Variants in CASS4 observed in about 807,000 individuals in gnomAD.
CASS4 encodes cas scaffolding protein family member 4.
CASS4 carries 22 observed loss-of-function variants against 54.2 expected under a neutral mutation model. That is an observed-to-expected ratio of 0.41 (90% CI 0.29 to 0.58). The LOEUF (loss-of-function observed/expected upper bound fraction) is 0.58, where lower values mean the gene tolerates loss of function less well. Among genes scored for constraint, CASS4 ranks in the 20% least tolerant of loss-of-function variants. The probability of loss-of-function intolerance (pLI) is 0.36; values close to 1 mark genes in which losing one functional copy is unlikely to be tolerated. For synonymous variants in CASS4, 409 were observed against 391.5 expected, an observed-to-expected ratio of 1.04 and a Z score of -0.53; for missense variants, 854 against 986.7, an observed-to-expected ratio of 0.87 and a Z score of 1.80.
At chr20:56,455,885 C>T (rs546666404) in intron 5 of CASS4, among the ~76,000 whole-genome samples, 264 of 152,112 alleles carry the variant, frequency 1.7e-3, no homozygotes, top group African/African-American at 6.2e-3. Context: ...GAGCTGAGAT[C>T]GCACCACTGC....
chr20:56,442,834 TTTCTCAAACATG>T (rs1490690684), intron 2 of CASS4, among the ~76,000 whole-genome samples: 3 of 151,818 alleles, frequency 2.0e-5, no homozygotes, highest in African/African-American at 7.3e-5. Flanking sequence ...CGAAACTGTG[TTTCTCAAACATG>T]TTCCTTAACT....
intron 3 of CASS4, among the ~76,000 whole-genome samples, chr20:56,448,512 A>C (rs1980836423): frequency 6.6e-6 from 1 of 152,058 alleles, no homozygotes; most frequent in African/African-American, 2.4e-5. Flanking sequence ...AACTCAAGTC[A>C]TTGAATGGTC....
rs1422123474 is a variant in CASS4 at position 56,437,054 on chromosome 20, T to C, written c.37-110T>C. 1 of 982,794 alleles carries C rather than the reference T, an allele frequency of 1.0e-6. No individual in the cohort carries two copies. Among genetic ancestry groups the C allele is most frequent in the African/African-American group, 1.6e-5 (1 of 60,760 alleles). The allele number at this position is 982,794 out of a possible 1,614,324, so 60.9% of individuals were successfully genotyped here. On this transcript the variant is annotated intron_variant, in intron 1 of 5. Coordinates refer to ENST00000679887, the MANE Select transcript of CASS4 (RefSeq NM_020356.4). This position sits in a 1 kb window ranked among gnomAD's most constrained non-coding sequence, Gnocchi z 4.7. ...AGCCTCTGGGGTGGAAGAAATGAAA[T>C]GAAAGGGCATGATGAATTTGTATGA...
In CASS4 at chr20:56,434,696, G is replaced by A. The variant is rs543637046; in HGVS notation, c.37-2468G>A. Among the ~76,000 whole-genome samples the A allele has an allele frequency of 7.9e-5, 12 of 151,170 alleles. No individual in the cohort carries two copies. The South Asian group carries it at 1.5e-3, about 18-fold the overall frequency. On this transcript the variant is annotated intron_variant, in intron 1 of 5. Coordinates refer to ENST00000679887, the MANE Select transcript of CASS4 (RefSeq NM_020356.4). ...TCCTGACCTCATCATCTGCCCCCTC[G>A]GCCTACCAAAGTGCTGGGATTACAG... is the stretch of plus-strand genomic sequence containing the variant.
chr20:56,442,237 G>A (rs1337627816), intron 2 of CASS4, among the ~76,000 whole-genome samples: 1 of 151,740 alleles, frequency 6.6e-6, no homozygotes, highest in Non-Finnish European at 1.5e-5. Flanking sequence ...CCTAAGAGAG[G>A]CGTCTATGTG....
rs1980625151 is a variant in CASS4, at chr20:56,444,784, C to T, written c.460-1116C>T. On this transcript the variant is annotated intron_variant, in intron 2 of 5. Coordinates refer to ENST00000679887, the MANE Select transcript of CASS4 (RefSeq NM_020356.4). Reference sequence around the variant, plus strand: ...GCTGAGACCATGTTTCCCAAAGTGCCTTGAGCAATAACTGGCCAGGTGCTC... The same window carrying T: ...GCTGAGACCATGTTTCCCAAAGTGCTTTGAGCAATAACTGGCCAGGTGCTC... 2.6e-5 allele frequency among the ~76,000 whole-genome samples: 4 copies of T among 152,156 alleles called. No individual in the cohort carries two copies. In the South Asian group the frequency reaches 8.3e-4, roughly 32 times the overall value.
chr20:56,433,468 T>C (rs1431246128), intron 1 of CASS4, among the ~76,000 whole-genome samples: 1 of 151,968 alleles, frequency 6.6e-6, no homozygotes, highest in Admixed American at 6.6e-5. Context: ...TGGGCACAGT[T>C]TGGGCTTTGT....
At position 56,428,544 on chromosome 20, in the gene CASS4, T is replaced by A. The variant is rs1322576104; in HGVS notation, c.37-8620T>A. ...GGGCCCAAGGAGTGATATTTTAAGA[T>A]CTGCCTGAGCATGCCACAGCCTCCA... is the stretch of plus-strand genomic sequence containing the variant. On this transcript the variant is annotated intron_variant, in intron 1 of 5. Coordinates refer to ENST00000679887, the MANE Select transcript of CASS4 (RefSeq NM_020356.4). Among the ~76,000 whole-genome samples the A allele has an allele frequency of 2.0e-5, 3 of 152,178 alleles. No homozygotes were observed. In the East Asian group the frequency reaches 5.8e-4, roughly 29 times the overall value.
In CASS4 at chr20:56,455,712, C is replaced by T. The variant is rs1197163421; in HGVS notation, c.1953+2583C>T. 2.6e-5 allele frequency among the ~76,000 whole-genome samples: 4 copies of T among 152,188 alleles called. No individual in the cohort carries two copies. In the East Asian group the frequency reaches 7.7e-4, roughly 29 times the overall value. On this transcript the variant is annotated intron_variant, in intron 5 of 5. Transcript: ENST00000679887. Reference sequence around the variant, plus strand: ...TGGGAGGCCGAGGCGGGTGGATCGCCTGAGGTCAGGAGTTTGAGACCAGCC... The same window carrying T: ...TGGGAGGCCGAGGCGGGTGGATCGCTTGAGGTCAGGAGTTTGAGACCAGCC...
At chr20:56,445,472 G>A (rs1211072497) in intron 2 of CASS4, among the ~76,000 whole-genome samples, 8 of 152,184 alleles carry the variant, frequency 5.3e-5, no homozygotes, top group Admixed American at 5.2e-4. Flanking sequence ...TCCAGCCTCA[G>A]CCTAGCTAGA....
Position 56,458,397 on chromosome 20 carries a change from C to T in CASS4, c.2011C>T (p.Arg671Cys), listed in dbSNP as rs1600781620. Reference protein sequence around the residue: ...SSQQTPERKPRLSEHCRLYFG... With the variant: ...SSQQTPERKPCLSEHCRLYFG... ...TCAACAGACTCCTGAGAGGAAACCCCGCTTATCTGAACACTGCCGGCTCTA... is the reference window on the plus strand; with the variant it reads ...TCAACAGACTCCTGAGAGGAAACCCTGCTTATCTGAACACTGCCGGCTCTA... Residue 671 changes from arginine to cysteine, a missense_variant, in exon 6 of 6, where the codon CGC (arginine) becomes TGC (cysteine). By Grantham distance (180) the Arg-to-Cys change is radical (BLOSUM62 -3). Transcript: ENST00000679887. 6.2e-7 allele frequency: 1 copy of T among 1,614,094 alleles called. No individual in the cohort carries two copies. Among genetic ancestry groups the T allele is most frequent in the Non-Finnish European group, 8.5e-7 (1 of 1,180,028 alleles).
In CASS4 at chr20:56,412,343, C is replaced by G. The variant is rs1001519535; in HGVS notation, c.-116C>G. 9.5e-5 allele frequency: 105 copies of G among 1,105,634 alleles called. No homozygotes were observed. Among genetic ancestry groups the G allele is most frequent in the Non-Finnish European group, 1.3e-4 (98 of 744,512 alleles). The allele number at this position is 1,105,634 out of a possible 1,614,324, so 68.5% of individuals were successfully genotyped here. A position where few individuals can be genotyped will look rare whatever the true frequency, so the allele number is the denominator to read the frequency against. On this transcript the variant is annotated 5_prime_UTR_variant, in exon 1 of 6. Coordinates refer to ENST00000679887, the MANE Select transcript of CASS4 (RefSeq NM_020356.4). The surrounding 1 kb of genome is among the most constrained non-coding windows in gnomAD (Gnocchi z 4.2). ...GTTTCCCATGTGTTGTCAGATAGCT[C>G]CATAGAATTCAGTTTCTGAGAACCA...
At chr20:56,417,807 G>A (rs764672144) in intron 1 of CASS4, among the ~76,000 whole-genome samples, 15 of 152,208 alleles carry the variant, frequency 9.9e-5, no homozygotes, top group South Asian at 2.1e-4. Flanking sequence ...CCTACCTGGC[G>A]TCAGCCTAAG....
At chr20:56,455,667 C>G (rs866869289) in intron 5 of CASS4, among the ~76,000 whole-genome samples, 1 of 152,172 alleles carries the variant, frequency 6.6e-6, no homozygotes, top group African/African-American at 2.4e-5. Flanking sequence ...TGGTGGCTCA[C>G]GCCTGTAATC....
chr20:56,433,842 C>T (rs760776886), intron 1 of CASS4, among the ~76,000 whole-genome samples: 36 of 152,156 alleles, frequency 2.4e-4, no homozygotes, highest in Non-Finnish European at 3.2e-4. Context: ...CCTCACAATA[C>T]ACATGCCCCT....
At chr20:56,415,617 G>C (rs1173097488) in intron 1 of CASS4, among the ~76,000 whole-genome samples, 2 of 152,130 alleles carry the variant, frequency 1.3e-5, no homozygotes, top group Non-Finnish European at 2.9e-5. Flanking sequence ...TTTATAAATG[G>C]TAGCACAATG....
intron 1 of CASS4, among the ~76,000 whole-genome samples, chr20:56,426,834 C>T (rs150389155): frequency 0.022 from 3,281 of 152,278 alleles, 126 homozygotes; most frequent in African/African-American, 0.075. Context: ...TCACCTCAGC[C>T]TCCCAAAGTG....
At chr20:56,449,036 T>A (rs1980863614) in intron 3 of CASS4, among the ~76,000 whole-genome samples, 1 of 152,216 alleles carries the variant, frequency 6.6e-6, no homozygotes, top group Non-Finnish European at 1.5e-5. Context: ...TCAACCATTG[T>A]GGAAGACAGT....
chr20:56,451,777 G>T lies in CASS4; in HGVS notation c.643-42G>T, dbSNP rs201383535. Reference sequence around the variant, plus strand: ...TAAACAACGCACTCGCGCCCTCTTTGGAAAGCTACTAACCCGGCAACTATG... The same window carrying T: ...TAAACAACGCACTCGCGCCCTCTTTTGAAAGCTACTAACCCGGCAACTATG... On this transcript the variant is annotated intron_variant, in intron 4 of 5. Coordinates refer to ENST00000679887, the MANE Select transcript of CASS4 (RefSeq NM_020356.4). 212 of 1,486,434 alleles carry T rather than the reference G, an allele frequency of 1.4e-4. No homozygotes were observed. In the African/African-American group the frequency reaches 2.6e-3, roughly 18 times the overall value. The allele number at this position is 1,486,434 out of a possible 1,614,324, so 92.1% of individuals were successfully genotyped here.
Sources: gnomAD v4.1 joint callset for allele counts (sites outside exome capture counted in the v4.1 genomes callset) on GRCh38, gnomAD v4.1.1 for gene constraint, Gnocchi (gnomAD v3.1) non-coding constraint, MANE v1.5 for transcripts, NCBI Gene and HGNC (gene_info 2026-07-23, HGNC 2026-07-21) for gene names.